NT5DC4: variants seen among roughly 807,000 people sequenced by gnomAD.
The protein encoded by NT5DC4 is 5'-nucleotidase domain containing 4, also known as 5'-nucleotidase domain-containing protein 4.
In NT5DC4, 44 loss-of-function variants were observed where a neutral mutation model predicts 26.6. That is an observed-to-expected ratio of 1.65 (90% CI 1.30 to 2.13). The LOEUF is 2.13. Ranked by LOEUF, NT5DC4 falls within the 30% of genes most tolerant of loss-of-function variation. The pLI, the probability that NT5DC4 is intolerant of heterozygous loss-of-function variation, is 0.00. For missense variants in NT5DC4, 399 were observed against 228.1 expected (o/e 1.75, Z -4.83); for synonymous variants, 157 against 86.7 (o/e 1.81, Z -4.51).
At chr2:112,733,849 G>A (rs1678755151) in intron 16 of NT5DC4, among the ~76,000 whole-genome samples, 1 of 152,168 alleles carries the variant, frequency 6.6e-6, no homozygotes, top group South Asian at 2.1e-4. Context: ...TCATTTATTT[G>A]TAGAATAAAT....
chr2:112,734,169 A>ATATATGTGTGTGTGTGTGTGTGTGTGTG (rs150412692), intron 16 of NT5DC4, among the ~76,000 whole-genome samples: 8 of 134,864 alleles, frequency 5.9e-5, no homozygotes, highest in East Asian at 2.2e-4. Context: ...TATTATATAT[A>ATATATGTGTGTGTGTGTGTGTGTGTGTG]TGTGTGTGTG....
Position 112,723,815 on chromosome 2 carries a change from A to G in NT5DC4, c.756+13A>G, listed in dbSNP as rs1191888328. The G allele has an allele frequency of 2.0e-6, 1 of 507,230 alleles. No homozygotes were observed. Among genetic ancestry groups the G allele is most frequent in the Non-Finnish European group, 4.0e-6 (1 of 251,654 alleles). The allele number at this position is 507,230 out of a possible 1,614,324, so 31.4% of individuals were successfully genotyped here. ...CAACTACACCAATGTGAGTATGTGTATGGAGGGGTGGACCGTCGGCCTCCT... is the reference window on the plus strand; with the variant it reads ...CAACTACACCAATGTGAGTATGTGTGTGGAGGGGTGGACCGTCGGCCTCCT... On this transcript the variant is annotated intron_variant, in intron 9 of 16. Transcript: ENST00000688554.
intron 16 of NT5DC4, among the ~76,000 whole-genome samples, 172 bp downstream of exon 16, chr2:112,729,876 T>C (rs1301106826): frequency 6.6e-6 from 1 of 152,228 alleles, no homozygotes; most frequent in African/African-American, 2.4e-5. Context: ...TAAAAATGCG[T>C]ATTATTTTAT....
intron 16 of NT5DC4, among the ~76,000 whole-genome samples, chr2:112,733,021 A>C (rs1678661590): frequency 6.6e-6 from 1 of 152,138 alleles, no homozygotes; most frequent in South Asian, 2.1e-4. Flanking sequence ...TATTTTATTG[A>C]AAGACACATG....
At chr2:112,731,305 A>G (rs1387504808) in intron 16 of NT5DC4, 1 of 152,116 alleles carries the variant, frequency 6.6e-6, no homozygotes, top group Non-Finnish European at 1.5e-5. Context: ...TTAACCTAGA[A>G]GGCATCCTCA....
At chr2:112,733,160 A>C (rs115204977) in intron 16 of NT5DC4, among the ~76,000 whole-genome samples, 2,941 of 152,194 alleles carry the variant, frequency 0.019, 94 homozygotes, top group African/African-American at 0.067. Context: ...AGACACATTC[A>C]TGAGAAAACT....
chr2:112,724,234 G>C, intron 10 of NT5DC4, 108 bp downstream of exon 10: 1 of 705,378 alleles, frequency 1.4e-6, no homozygotes, highest in South Asian at 1.5e-5. Flanking sequence ...GCCTCCCTTT[G>C]AGGAAGACCT....
Position 112,724,769 on chromosome 2 carries a change from C to A in NT5DC4, c.790-12C>A, listed in dbSNP as rs1345215788. Reference sequence around the variant, plus strand: ...AGGCTGTGTGTGTGCAGCCCGTGTGCACCCCCAACAGGCTGAAGCCTCGGG... The same window carrying A: ...AGGCTGTGTGTGTGCAGCCCGTGTGAACCCCCAACAGGCTGAAGCCTCGGG... On this transcript the variant is annotated splice_polypyrimidine_tract_variant and intron_variant, in intron 10 of 16. Coordinates refer to ENST00000688554, the MANE Select transcript of NT5DC4 (RefSeq NM_001393655.1). The A allele has an allele frequency of 1.5e-5, 11 of 716,666 alleles. No individual in the cohort carries two copies. The Admixed American group carries it at 2.2e-4, about 14-fold the overall frequency. 44.4% of individuals were successfully genotyped at this position (716,666 alleles called of 1,614,324 possible).
Position 112,722,179 on chromosome 2 carries a change from G to T in NT5DC4, c.267-4G>T. The T allele has an allele frequency of 1.4e-6, 1 of 716,772 alleles. No individual in the cohort carries two copies. The highest frequency in any genetic ancestry group is 1.5e-5 in the South Asian group (1 of 67,584). The allele number at this position is 716,772 out of a possible 1,614,324, so 44.4% of individuals were successfully genotyped here. ...CACAGTGCCCCCCGACCCCCCGTCT[G>T]CAGGCGGCTGGTGTTCGATGAACTC... On this transcript the variant is annotated splice_polypyrimidine_tract_variant and splice_region_variant and intron_variant, in intron 3 of 16. Transcript: ENST00000688554.
chr2:112,721,543 G>T (rs1489365368), intron 1 of NT5DC4: 1 of 717,866 alleles, frequency 1.4e-6, no homozygotes, highest in Admixed American at 2.0e-5. Flanking sequence ...TAACATGCCT[G>T]CATGGTGGGA....
rs758859918 is a variant in NT5DC4, at chr2:112,739,041, C to CATTTTTCCTT, written c.*109_*110insTTCCTTATTT. 1.9e-6 allele frequency: 3 copies of CATTTTTCCTT among 1,613,314 alleles called. No individual in the cohort carries two copies. The South Asian group carries it at 3.3e-5, about 18-fold the overall frequency. ...TTCATGTCTTGCACTTCCGGCATCC[C>CATTTTTCCTT]ATTTATTCTGAGAGACAGCAAGAGA... On this transcript the variant is annotated 3_prime_UTR_variant, in exon 17 of 17. Transcript: ENST00000688554.
downstream of NT5DC4, chr2:112,742,610 C>T: frequency 2.3e-6 from 2 of 851,462 alleles, no homozygotes; most frequent in Admixed American, 2.2e-5. Flanking sequence ...AGAAGCATTT[C>T]AGGGGATGAT....
At position 112,723,721 on chromosome 2, in the gene NT5DC4, A is replaced by G. The variant is rs1199314586; in HGVS notation, c.675A>G (p.Pro225=). 1 of 716,934 alleles carries G rather than the reference A, an allele frequency of 1.4e-6. No individual in the cohort carries two copies. Among genetic ancestry groups the G allele is most frequent in the African/African-American group, 1.7e-5 (1 of 57,208 alleles). The allele number at this position is 716,934 out of a possible 1,614,324, so 44.4% of individuals were successfully genotyped here. A position where few individuals can be genotyped will look rare whatever the true frequency, so the allele number is the denominator to read the frequency against. ...AAGTCCCTCTATCTCTGCCCCAGCCACGCCTCCCCATCCTGCTGGGGAAGA... is the reference window on the plus strand; with the variant it reads ...AAGTCCCTCTATCTCTGCCCCAGCCGCGCCTCCCCATCCTGCTGGGGAAGA... The part of the protein sequence containing the change: ...EDLEKYVKKD[P]RLPILLGKMK... The change falls in exon 9 of 17, where the codon CCA becomes CCG. Residue 225 remains proline (P), a splice_region_variant and synonymous_variant. Transcript: ENST00000688554.
chr2:112,729,412 G>A (rs530424044), intron 15 of NT5DC4, among the ~76,000 whole-genome samples: 4 of 152,218 alleles, frequency 2.6e-5, no homozygotes, highest in African/African-American at 9.6e-5. Context: ...GTGAGCCACC[G>A]CGCCTGGCCT....
At chr2:112,732,272 C>A (rs1254074753) in intron 16 of NT5DC4, among the ~76,000 whole-genome samples, 1 of 152,118 alleles carries the variant, frequency 6.6e-6, no homozygotes, top group Non-Finnish European at 1.5e-5. Context: ...ACTGCCAAGG[C>A]CTTTTCTTCC....
intron 16 of NT5DC4, among the ~76,000 whole-genome samples, chr2:112,730,236 C>T (rs1678312518): frequency 6.9e-6 from 1 of 145,534 alleles, no homozygotes; most frequent in Non-Finnish European, 1.5e-5. Context: ...TCACTTGAAC[C>T]CAGGAGGCGG....
chr2:112,742,514 T>C (rs556798947), downstream of NT5DC4: 1 of 718,356 alleles, frequency 1.4e-6, no homozygotes, highest in South Asian at 1.5e-5. Flanking sequence ...TTGTTCAGTA[T>C]TGAGTAGTGC....
intron 11 of NT5DC4, 99 bp downstream of exon 11, chr2:112,725,005 C>G (rs578082741): frequency 1.5e-6 from 1 of 673,544 alleles, no homozygotes; most frequent in African/African-American, 1.8e-5. Context: ...GCTGGCCTGT[C>G]TGTCCCTGGA....
At position 112,726,660 on chromosome 2, in the gene NT5DC4, T is replaced by G. The variant is rs1218939963; in HGVS notation, c.1206-18T>G. 1.1e-5 allele frequency: 8 copies of G among 717,464 alleles called. No individual in the cohort carries two copies. The East Asian group carries it at 2.1e-4, about 19-fold the overall frequency. The allele number at this position is 717,464 out of a possible 1,614,324, so 44.4% of individuals were successfully genotyped here. A position where few individuals can be genotyped will look rare whatever the true frequency, so the allele number is the denominator to read the frequency against. Reference sequence around the variant, plus strand: ...GGCTCTGTGCCTCCCCTGGGTCACCTAGCTATTTTTGTACCAGGCACATGG... The same window carrying G: ...GGCTCTGTGCCTCCCCTGGGTCACCGAGCTATTTTTGTACCAGGCACATGG... On this transcript the variant is annotated intron_variant, in intron 14 of 16. Transcript: ENST00000688554.
Sources: gnomAD v4.1 joint callset for allele counts (sites outside exome capture counted in the v4.1 genomes callset) on GRCh38, gnomAD v4.1.1 for gene constraint, MANE v1.5 for transcripts, NCBI Gene and HGNC (gene_info 2026-07-23, HGNC 2026-07-21) for gene names.